The following ANKRD54 variants were observed in gnomAD, a reference collection of about 807,000 sequenced individuals.
ANKRD54 encodes ankyrin repeat domain 54.
ANKRD54 carries 26 observed loss-of-function variants against 36.2 expected under a neutral mutation model. The observed-to-expected ratio is 0.72, with a 90% CI of 0.53 to 1.00. ANKRD54 has a LOEUF of 1.00. ANKRD54 is among the 50% of genes least tolerant of loss of function. The pLI, the probability that ANKRD54 is intolerant of heterozygous loss-of-function variation, is 0.00. For synonymous variants in ANKRD54, 209 were observed against 188.4 expected, an observed-to-expected ratio of 1.11 and a Z score of -0.89; for missense variants, 384 against 424.3, an observed-to-expected ratio of 0.91 and a Z score of 0.83.
At position 37,844,320 on chromosome 22, in the gene ANKRD54, T is replaced by G. The variant is rs985898568; in HGVS notation, c.-82A>C. On this transcript the variant is annotated 5_prime_UTR_variant, in exon 1 of 8. Transcript: ENST00000215941. ...ACCTACTTCCCTCCGCCCTGAGTCG[T>G]GCTGTCAGCGAGCTGGCGGGCGGGC... 2 of 1,446,244 alleles carry G rather than the reference T, an allele frequency of 1.4e-6. No individual in the cohort carries two copies. Among genetic ancestry groups the G allele is most frequent in the Non-Finnish European group, 1.8e-6 (2 of 1,088,992 alleles). The allele number at this position is 1,446,244 out of a possible 1,614,324, so 89.6% of individuals were successfully genotyped here.
At chr22:37,832,143 T>A in intron 7 of ANKRD54, 126 bp from the exon 8 acceptor site, 1 of 874,502 alleles carries the variant, frequency 1.1e-6, no homozygotes, top group Non-Finnish European at 1.8e-6. Flanking sequence ...TGGTGGCTTC[T>A]GACTACGCAG....
intron 3 of ANKRD54, among the ~76,000 whole-genome samples, chr22:37,836,850 G>A (rs369505012): frequency 2.6e-5 from 4 of 151,876 alleles, no homozygotes; most frequent in Non-Finnish European, 5.9e-5. Flanking sequence ...CCAACATGGT[G>A]AAACCCTGTC....
intron 2 of ANKRD54, among the ~76,000 whole-genome samples, chr22:37,838,985 T>A (rs1369442195): frequency 6.6e-6 from 1 of 152,074 alleles, no homozygotes; most frequent in Non-Finnish European, 1.5e-5. Context: ...TATGCTATGC[T>A]CCCAGCAGGC....
At chr22:37,846,932 C>A (rs534864352), upstream of ANKRD54, among the ~76,000 whole-genome samples, 87 of 151,066 alleles carry the variant, frequency 5.8e-4, 3 homozygotes, top group East Asian at 0.016. Flanking sequence ...CGGCTCACTG[C>A]AAGCTCCGCC....
rs773575937 is a variant in ANKRD54, at chr22:37,831,766, G to C, written c.*177C>G. 5.0e-6 allele frequency: 3 copies of C among 604,330 alleles called. No homozygotes were observed. Among genetic ancestry groups the C allele is most frequent in the Non-Finnish European group, 8.7e-6 (3 of 343,526 alleles). The allele number at this position is 604,330 out of a possible 1,614,324, so 37.4% of individuals were successfully genotyped here. A position where few individuals can be genotyped will look rare whatever the true frequency, so the allele number is the denominator to read the frequency against. ...ACAGAGATGCTGGAAACTGTGGCTG[G>C]GAGTGGCTCTGAGGCCGTGGAGAGA... On this transcript the variant is annotated 3_prime_UTR_variant, in exon 8 of 8. Transcript: ENST00000215941.
At chr22:37,841,865 AAATAAATAAATAAATAAATAAATAAAT>A (rs1351644598) in intron 1 of ANKRD54, among the ~76,000 whole-genome samples, 2 of 57,730 alleles carry the variant, frequency 3.5e-5, no homozygotes, top group Non-Finnish European at 5.6e-5. Flanking sequence ...ATAAATAAAT[AAATAAATAAATAAATAAATAAATAAAT>A]AAATAAAATA....
intron 4 of ANKRD54, 87 bp from the exon 5 acceptor site, chr22:37,833,293 C>T: frequency 6.5e-7 from 1 of 1,534,800 alleles, no homozygotes; most frequent in Non-Finnish European, 8.9e-7. Context: ...GCTGTGTCTC[C>T]CAGACGCCTG....
upstream of ANKRD54, chr22:37,844,342 G>T (rs979448385): frequency 4.4e-6 from 6 of 1,350,206 alleles, no homozygotes; most frequent in Admixed American, 2.7e-5. Context: ...GCTGGCGGGC[G>T]GGCAGGGCCC....
intron 7 of ANKRD54, 36 bp from the exon 8 acceptor site, chr22:37,832,053 G>A (rs748410725): frequency 1.1e-5 from 18 of 1,582,208 alleles, no homozygotes; most frequent in East Asian, 4.6e-5. Flanking sequence ...TATGGGACAC[G>A]GGGTGTGCCA....
chr22:37,847,229 C>T (rs1924888965), upstream of ANKRD54, among the ~76,000 whole-genome samples: 1 of 151,224 alleles, frequency 6.6e-6, no homozygotes, highest in Admixed American at 6.6e-5. Context: ...GTGGTGCAAT[C>T]TTGGCTCACC....
In ANKRD54 at chr22:37,832,020, G is replaced by A. The variant is rs1401757034; in HGVS notation, c.829-3C>T. 6.2e-7 allele frequency: 1 copy of A among 1,612,078 alleles called. No homozygotes were observed. The highest frequency in any genetic ancestry group is 1.7e-4 in the Middle Eastern group (1 of 5,972). On this transcript the variant is annotated splice_region_variant and splice_polypyrimidine_tract_variant and intron_variant, in intron 7 of 7. Transcript: ENST00000215941. Reference sequence around the variant, plus strand: ...AGGAGGTCAGTCACTTCATCCACCTGCAGGACGGAACAGAGGCTCTGTTAT... The same window carrying A: ...AGGAGGTCAGTCACTTCATCCACCTACAGGACGGAACAGAGGCTCTGTTAT...
intron 3 of ANKRD54, among the ~76,000 whole-genome samples, chr22:37,838,113 C>G (rs947525409): frequency 2.0e-5 from 3 of 150,854 alleles, no homozygotes; most frequent in Non-Finnish European, 4.4e-5. Flanking sequence ...CCAGCCTGGG[C>G]GACAGAGCGA....
upstream of ANKRD54, chr22:37,849,308 A>G (rs540292713): frequency 2.0e-6 from 2 of 1,006,674 alleles, no homozygotes; most frequent in Admixed American, 1.7e-5. Flanking sequence ...CCTTCTGGAT[A>G]TGGCTGTCTC....
At chr22:37,832,053 G>T in intron 7 of ANKRD54, 36 bp from the exon 8 acceptor site, 3 of 1,582,206 alleles carry the variant, frequency 1.9e-6, no homozygotes, top group Non-Finnish European at 1.7e-6. Context: ...TATGGGACAC[G>T]GGGTGTGCCA....
chr22:37,834,950 T>G (rs1923347367), intron 3 of ANKRD54, among the ~76,000 whole-genome samples: 1 of 151,882 alleles, frequency 6.6e-6, no homozygotes, highest in Admixed American at 6.6e-5. Flanking sequence ...TCTCAGCTAC[T>G]TGGGAGGCTG....
chr22:37,844,269 G>A lies in ANKRD54; in HGVS notation c.-31C>T. On this transcript the variant is annotated 5_prime_UTR_variant, in exon 1 of 8. Coordinates refer to ENST00000215941, the MANE Select transcript of ANKRD54 (RefSeq NM_138797.4). ...CGGCTCCGCGCGGGCCTGGCCGCCT[G>A]AGCCTCGTTCCCGACCGACCAACGG... is the stretch of plus-strand genomic sequence containing the variant. The A allele has an allele frequency of 1.3e-6, 2 of 1,542,996 alleles. No individual in the cohort carries two copies. Among genetic ancestry groups the A allele is most frequent in the Non-Finnish European group, 1.7e-6 (2 of 1,153,048 alleles).
At chr22:37,846,036 GT>G (rs763703005), upstream of ANKRD54, among the ~76,000 whole-genome samples, 2 of 151,920 alleles carry the variant, frequency 1.3e-5, no homozygotes, top group Non-Finnish European at 2.9e-5. Flanking sequence ...TTAGCCTGGT[GT>G]GGTGGTGGGC....
upstream of ANKRD54, chr22:37,844,527 C>G (rs1327847427): frequency 2.6e-5 from 10 of 384,188 alleles, no homozygotes; most frequent in Admixed American, 4.7e-4. Context: ...TAACCAATTA[C>G]AAACTTGAAG....
rs753175712 is a variant in ANKRD54 at position 37,832,715 on chromosome 22, C to T, written c.750G>A (p.Glu250=). The change falls in exon 7 of 8, where the codon GAG becomes GAA. Residue 250 remains glutamate, a synonymous_variant. Coordinates refer to ENST00000215941, the MANE Select transcript of ANKRD54 (RefSeq NM_138797.4). The part of the protein sequence containing the change: ...QIIHMLREYL[E]RLGQHEQRER... ...CTCGCTGCTCATGTTGCCCTAGGCG[C>T]TCCAGATACTCCCTCAGCATATGGA... The T allele has an allele frequency of 1.4e-5, 22 of 1,614,076 alleles. No homozygotes were observed. The Admixed American group carries it at 3.7e-4, about 27-fold the overall frequency.
Sources: allele counts gnomAD v4.1 joint callset (sites outside exome capture counted in the v4.1 genomes callset), GRCh38; gene constraint gnomAD v4.1.1; transcripts MANE v1.5; gene names NCBI Gene and HGNC (gene_info 2026-07-23, HGNC 2026-07-21).